Variants in TALDO1 observed in about 807,000 individuals in gnomAD.
TALDO1 encodes the protein transaldolase 1, also known as transaldolase.
In TALDO1, 29 loss-of-function variants were observed where a neutral mutation model predicts 38.1. The ratio of observed to expected loss-of-function variants is 0.76; its 90% CI spans 0.57 to 1.04. The LOEUF (loss-of-function observed/expected upper bound fraction) is 1.04, where lower values mean the gene tolerates loss of function less well. Among genes scored for constraint, TALDO1 ranks in the 50% least tolerant of loss-of-function variants. The pLI is 0.00. For missense variants in TALDO1, 499 were observed against 438.1 expected, an observed-to-expected ratio of 1.14 and a Z score of -1.24; for synonymous variants, 207 against 176.8, an observed-to-expected ratio of 1.17 and a Z score of -1.36.
At chr11:763,719 T>A (rs781718855) in intron 5 of TALDO1, 28 bp from the exon 6 acceptor site, 1 of 1,613,116 alleles carries the variant, frequency 6.2e-7, no homozygotes. Context: ...GCCGAAGCCT[T>A]CCTGGTCACA....
At chr11:754,127 G>A (rs1451815512) in intron 1 of TALDO1, among the ~76,000 whole-genome samples, 1 of 151,872 alleles carries the variant, frequency 6.6e-6, no homozygotes, top group East Asian at 2.0e-4. Context: ...TGGGATTATA[G>A]GCATGCACCA....
chr11:762,306 G>T (rs563384266), intron 4 of TALDO1, among the ~76,000 whole-genome samples: 14 of 152,148 alleles, frequency 9.2e-5, no homozygotes, highest in Non-Finnish European at 1.9e-4. Context: ...CCATTTTATG[G>T]ATAGGCCACA....
At chr11:754,906 C>T (rs987246927) in intron 1 of TALDO1, among the ~76,000 whole-genome samples, 6 of 151,814 alleles carry the variant, frequency 4.0e-5, no homozygotes, top group Admixed American at 2.0e-4. Flanking sequence ...GAGTAGCTGA[C>T]GCTACAGGCA....
In TALDO1 at chr11:755,923, C is replaced by T; in HGVS notation, c.142C>T (p.Leu48=). ...CCAGGATGCTACCACCAACCCGTCC[C>T]TGATCCTGGCCGCAGCACAGATGCC... ...KPQDATTNPS[L]ILAAAQMPAY... is the part of the protein sequence containing the mutation. Residue 48 remains leucine, a synonymous_variant, in exon 2 of 8, where the codon CTG becomes TTG. Coordinates refer to ENST00000319006, the MANE Select transcript of TALDO1 (RefSeq NM_006755.2). The T allele has an allele frequency of 6.2e-7, 1 of 1,614,186 alleles. No individual in the cohort carries two copies. Among genetic ancestry groups the T allele is most frequent in the Non-Finnish European group, 8.5e-7 (1 of 1,180,034 alleles).
At chr11:760,848 C>G (rs1346434293) in intron 4 of TALDO1, 1 of 156,172 alleles carries the variant, frequency 6.4e-6, no homozygotes, top group African/African-American at 2.5e-5. Context: ...TCCTGGCTAA[C>G]ACGGTGAAAC....
Position 763,520 on chromosome 11 carries a change from G to C in TALDO1, c.637+1G>C. ...TCCTATGAGCCCCTGGAAGACCCTG[G>C]TGAGGGTCCCTCTGTGGTAATGGGG... On this transcript the variant is annotated splice_donor_variant, in intron 5 of 7. Transcript: ENST00000319006. LOFTEE classifies it high-confidence loss of function. The C allele has an allele frequency of 1.2e-6, 2 of 1,613,644 alleles. No homozygotes were observed. The highest frequency in any genetic ancestry group is 8.5e-7 in the Non-Finnish European group (1 of 1,179,926).
intron 4 of TALDO1, 134 bp downstream of exon 4, chr11:760,387 G>A (rs1172558401): frequency 7.4e-7 from 1 of 1,351,414 alleles, no homozygotes; most frequent in African/African-American, 1.4e-5. Context: ...CCACAGCTTG[G>A]ACTTGACCAG....
chr11:764,736 C>T, intron 7 of TALDO1, 77 bp from the exon 8 acceptor site: 2 of 1,609,056 alleles, frequency 1.2e-6, no homozygotes, highest in Non-Finnish European at 8.5e-7. Flanking sequence ...CTCCCTCCTT[C>T]CACATGGTGC....
chr11:759,865 C>T (rs1862901546), intron 3 of TALDO1, among the ~76,000 whole-genome samples: 1 of 152,226 alleles, frequency 6.6e-6, no homozygotes, highest in African/African-American at 2.4e-5. Context: ...CAGGCGTGAG[C>T]CACGGCACCT....
Position 758,884 on chromosome 11 carries a change from C to T in TALDO1, c.222-66C>T, listed in dbSNP as rs1015853722. On this transcript the variant is annotated intron_variant, in intron 2 of 7. Coordinates refer to ENST00000319006, the MANE Select transcript of TALDO1 (RefSeq NM_006755.2). Reference sequence around the variant, plus strand: ...CCTCCCAAAGTGCTGGGATTACAGGCGTGAGCCACCGCACCTGGCGAACCT... The same window carrying T: ...CCTCCCAAAGTGCTGGGATTACAGGTGTGAGCCACCGCACCTGGCGAACCT... 3.3e-5 allele frequency: 44 copies of T among 1,325,742 alleles called. No homozygotes were observed. The African/African-American group carries it at 5.8e-4, about 18-fold the overall frequency. The allele number at this position is 1,325,742 out of a possible 1,614,324, so 82.1% of individuals were successfully genotyped here. A position where few individuals can be genotyped will look rare whatever the true frequency, so the allele number is the denominator to read the frequency against.
At chr11:762,276 T>C (rs549567728) in intron 4 of TALDO1, among the ~76,000 whole-genome samples, 2 of 152,322 alleles carry the variant, frequency 1.3e-5, no homozygotes, top group East Asian at 1.9e-4. Context: ...ACCATTTGTT[T>C]TTATATGTTG....
At chr11:759,859 C>T (rs1219869810) in intron 3 of TALDO1, among the ~76,000 whole-genome samples, 2 of 152,190 alleles carry the variant, frequency 1.3e-5, no homozygotes, top group Non-Finnish European at 2.9e-5. Context: ...GGATTACAGG[C>T]GTGAGCCACG....
intron 3 of TALDO1, among the ~76,000 whole-genome samples, chr11:759,782 A>C (rs371348096): frequency 6.6e-6 from 1 of 152,042 alleles, no homozygotes; most frequent in Admixed American, 6.6e-5. Flanking sequence ...GGGTTTCACC[A>C]TGTTGGCCAG....
chr11:758,249 C>T (rs1236648885), intron 2 of TALDO1, among the ~76,000 whole-genome samples: 1 of 152,110 alleles, frequency 6.6e-6, no homozygotes, highest in Non-Finnish European at 1.5e-5. Flanking sequence ...TGCCACTGCA[C>T]TCCAGCCTGG....
intron 1 of TALDO1, 150 bp downstream of exon 1, chr11:747,728 G>A (rs1417102214): frequency 2.9e-6 from 2 of 695,998 alleles, no homozygotes; most frequent in Admixed American, 3.1e-5. Context: ...GGTGCCGGAT[G>A]TTGGGGCCAG....
chr11:764,885 C>T lies in TALDO1; in HGVS notation c.*40C>T. 2 of 1,613,624 alleles carry T rather than the reference C, an allele frequency of 1.2e-6. No homozygotes were observed. Among genetic ancestry groups the T allele is most frequent in the Non-Finnish European group, 1.7e-6 (2 of 1,179,934 alleles). On this transcript the variant is annotated 3_prime_UTR_variant, in exon 8 of 8. Transcript: ENST00000319006. Reference sequence around the variant, plus strand: ...TGGACTCCAGATCTGCACCGCCGGCCAGCTGGGATCTGACTGCACGTGGCT... The same window carrying T: ...TGGACTCCAGATCTGCACCGCCGGCTAGCTGGGATCTGACTGCACGTGGCT...
At chr11:763,634 G>C in intron 5 of TALDO1, 113 bp from the exon 6 acceptor site, 4 of 1,568,414 alleles carry the variant, frequency 2.6e-6, no homozygotes, top group Non-Finnish European at 3.5e-6. Flanking sequence ...ACAGGTCGGC[G>C]CGGGGCAGGC....
chr11:756,384 C>T (rs1862838608), intron 2 of TALDO1: 1 of 256,626 alleles, frequency 3.9e-6, no homozygotes, highest in Non-Finnish European at 7.8e-6. Flanking sequence ...GTCACCCAGG[C>T]TGGAGTATAG....
chr11:749,882 TCTTAA>T (rs1368525189), intron 1 of TALDO1, among the ~76,000 whole-genome samples: 4 of 152,190 alleles, frequency 2.6e-5, no homozygotes, highest in East Asian at 3.9e-4. Flanking sequence ...ACAGGCTTTT[TCTTAA>T]CTTGTCATGT....
Sources: gnomAD v4.1 joint callset for allele counts (sites outside exome capture counted in the v4.1 genomes callset) on GRCh38, gnomAD v4.1.1 for gene constraint, MANE v1.5 for transcripts, NCBI Gene and HGNC (gene_info 2026-07-23, HGNC 2026-07-21) for gene names.